The following USH2A variants were observed in gnomAD, a reference collection of about 807,000 sequenced individuals.
USH2A encodes usherin, also known as Usher syndrome 2A (autosomal recessive, mild).
USH2A carries 443 observed loss-of-function variants against 538.9 expected under a neutral mutation model. The observed-to-expected ratio is 0.82, with a 90% CI of 0.76 to 0.89. USH2A has a LOEUF of 0.89. USH2A is among the 40% of genes least tolerant of loss of function. The pLI is 0.00. For missense variants in USH2A, 6,633 were observed against 6,324.8 expected, an observed-to-expected ratio of 1.05 and a Z score of -1.65; for synonymous variants, 2,413 against 2,273.5, an observed-to-expected ratio of 1.06 and a Z score of -1.75.
chr1:216,007,422 A>G (rs1330526378), intron 32 of USH2A, among the ~76,000 whole-genome samples: 2 of 152,140 alleles, frequency 1.3e-5, no homozygotes. Flanking sequence ...TCCCTCAGAT[A>G]TAATGTTGGG....
intron 22 of USH2A, among the ~76,000 whole-genome samples, chr1:216,089,463 T>C (rs1000416913): frequency 6.6e-6 from 1 of 152,034 alleles, no homozygotes; most frequent in African/African-American, 2.4e-5. Flanking sequence ...TATTCTAAAA[T>C]TTTAGACTTT....
chr1:215,913,544 G>A (rs767245851), intron 38 of USH2A, among the ~76,000 whole-genome samples: 1 of 152,082 alleles, frequency 6.6e-6, no homozygotes, highest in African/African-American at 2.4e-5. Context: ...GACAGATAAA[G>A]AGTCTGAAAT....
rs201724439 is a variant in USH2A at position 215,885,014 on chromosome 1, G to GT, written c.8223+3411dup. 7.4e-3 allele frequency among the ~76,000 whole-genome samples: 1,112 copies of GT among 149,332 alleles called. 6 individuals are homozygous for GT. Among genetic ancestry groups the GT allele is most frequent in the African/African-American group, 0.025 (1,015 of 40,712 alleles). ...GGCTCATGATGTTATCATAAAAGAA[G>GT]TTTTTTTTTTCTTTTTTTTGGTGCA... is the stretch of plus-strand genomic sequence containing the variant. On this transcript the variant is annotated intron_variant, in intron 41 of 71. Transcript: ENST00000307340.
chr1:215,830,262 C>G (rs1413839965), intron 47 of USH2A, among the ~76,000 whole-genome samples: 1 of 152,106 alleles, frequency 6.6e-6, no homozygotes, highest in Non-Finnish European at 1.5e-5. Flanking sequence ...AGGGAAAACC[C>G]CCATTTTTGT....
Position 216,247,002 on chromosome 1 carries a change from C to A in USH2A, c.2392G>T (p.Asp798Tyr). The A allele has an allele frequency of 6.2e-7, 1 of 1,614,072 alleles. No homozygotes were observed. Among genetic ancestry groups the A allele is most frequent in the Non-Finnish European group, 8.5e-7 (1 of 1,179,994 alleles). The change falls in exon 13 of 72, where the codon GAC becomes TAC. Residue 798 changes from aspartate to tyrosine, a missense_variant. Transcript: ENST00000307340. ...DVTNCKACDC[D>Y]TAGSLPGTVC... is the part of the protein sequence containing the mutation. ...GTCCCAGGGAGGGATCCAGCTGTGT[C>A]ACAGTCACAGGCCTTACAATTGGTG...
At position 216,175,358 on chromosome 1, in the gene USH2A, T is replaced by A. The variant is rs1483439932; in HGVS notation, c.4521A>T (p.Ser1507=). ...SPIYQLERRE[S]SLPALMTTMM... The stretch of plus-strand genomic sequence containing the variant: ...TCGTGGTCATCAGAGCTGGTAGAGA[T>A]GACTCTCTCCTTTCCAGCTGATATA... Residue 1507 remains serine (S), a synonymous_variant, in exon 21 of 72, where the codon TCA becomes TCT. Transcript: ENST00000307340. 6.2e-6 allele frequency: 10 copies of A among 1,613,864 alleles called. No individual in the cohort carries two copies. Among genetic ancestry groups the A allele is most frequent in the Non-Finnish European group, 7.6e-6 (9 of 1,179,872 alleles).
At chr1:216,247,392 T>C (rs2036073974) in intron 12 of USH2A, among the ~76,000 whole-genome samples, 166 bp from the exon 13 acceptor site, 1 of 152,164 alleles carries the variant, frequency 6.6e-6, no homozygotes, top group South Asian at 2.1e-4. Context: ...TCAATGACAA[T>C]ATTTAATTTA....
intron 61 of USH2A, among the ~76,000 whole-genome samples, chr1:215,727,744 T>C (rs918528708): frequency 3.9e-5 from 6 of 151,916 alleles, no homozygotes; most frequent in African/African-American, 1.5e-4. Flanking sequence ...ATATTCCCAC[T>C]TAGTAAATAT....
intron 64 of USH2A, among the ~76,000 whole-genome samples, chr1:215,662,371 G>A (rs922136326): frequency 1.3e-5 from 2 of 152,200 alleles, no homozygotes; most frequent in African/African-American, 4.8e-5. Context: ...ATAAATCTGA[G>A]TTGCATCTGC....
intron 21 of USH2A, among the ~76,000 whole-genome samples, chr1:216,114,469 C>T (rs376315314): frequency 6.4e-4 from 98 of 152,182 alleles, no homozygotes; most frequent in African/African-American, 2.3e-3. Flanking sequence ...AAAATGTTTA[C>T]TCTTGGTTTG....
intron 41 of USH2A, among the ~76,000 whole-genome samples, chr1:215,885,121 A>G (rs1208610602): frequency 6.6e-6 from 1 of 151,930 alleles, no homozygotes; most frequent in Non-Finnish European, 1.5e-5. Context: ...CAGTTTATAC[A>G]TTGACTTTAT....
At chr1:215,665,242 T>A (rs935285877) in intron 64 of USH2A, among the ~76,000 whole-genome samples, 1 of 152,176 alleles carries the variant, frequency 6.6e-6, no homozygotes, top group South Asian at 2.1e-4. Flanking sequence ...AGCAGCAGAC[T>A]GCCATTCTGC....
At chr1:216,370,800 ACAGT>A (rs775034248) in intron 3 of USH2A, among the ~76,000 whole-genome samples, 5 of 152,018 alleles carry the variant, frequency 3.3e-5, no homozygotes, top group East Asian at 3.9e-4. Flanking sequence ...TTTTGAAGTA[ACAGT>A]CAGTTTGTCA....
At chr1:216,386,779 C>T (rs948296243) in intron 3 of USH2A, among the ~76,000 whole-genome samples, 1 of 151,710 alleles carries the variant, frequency 6.6e-6, no homozygotes, top group South Asian at 2.1e-4. Context: ...GGAGCGAACC[C>T]GGGAGGCGGA....
intron 21 of USH2A, among the ~76,000 whole-genome samples, chr1:216,127,482 G>C (rs2033278483): frequency 6.6e-6 from 1 of 152,198 alleles, no homozygotes; most frequent in Admixed American, 6.5e-5. Flanking sequence ...GTCATGGCCA[G>C]CTTTGGCAAT....
At chr1:215,816,920 G>T (rs908323765) in intron 48 of USH2A, 77 bp downstream of exon 48, 5 of 1,400,330 alleles carry the variant, frequency 3.6e-6, no homozygotes, top group Non-Finnish European at 5.1e-6. Context: ...ATACATCATG[G>T]TGTGAGAAGC....
At chr1:215,633,324 C>A (rs1384114634) in intron 70 of USH2A, among the ~76,000 whole-genome samples, 1 of 152,124 alleles carries the variant, frequency 6.6e-6, no homozygotes, top group African/African-American at 2.4e-5. Context: ...TGGGCAGTGC[C>A]TTCTTTGCTT....
chr1:216,232,506 A>G (rs2035720292), intron 13 of USH2A, among the ~76,000 whole-genome samples: 1 of 152,244 alleles, frequency 6.6e-6, no homozygotes, highest in Admixed American at 6.5e-5. Flanking sequence ...CTTATAAAAT[A>G]TAGGAAGCCA....
chr1:216,131,183 G>C (rs2033368929), intron 21 of USH2A, among the ~76,000 whole-genome samples: 1 of 151,536 alleles, frequency 6.6e-6, no homozygotes, highest in African/African-American at 2.4e-5. Context: ...TAATTTGTTT[G>C]ACTTTGTTGT....
Sources: gnomAD v4.1 joint callset for allele counts (sites outside exome capture counted in the v4.1 genomes callset) on GRCh38, gnomAD v4.1.1 for gene constraint, MANE v1.5 for transcripts, NCBI Gene and HGNC (gene_info 2026-07-23, HGNC 2026-07-21) for gene names.